Variants in CTSK observed in about 807,000 individuals in gnomAD.
CTSK encodes the protein cathepsin K.
A neutral mutation model predicts 40.5 loss-of-function variants in CTSK; 26 were observed. That is an observed-to-expected ratio of 0.64 (90% CI 0.47 to 0.89). The LOEUF (loss-of-function observed/expected upper bound fraction) is 0.89. Ranked by LOEUF, CTSK falls within the 40% of genes least tolerant of loss-of-function variation. CTSK has a pLI of 0.00. For missense variants in CTSK, 292 were observed against 400.1 expected (o/e 0.73, Z 2.30); for synonymous variants, 132 against 143.2 (o/e 0.92, Z 0.56).
intron 5 of CTSK, among the ~76,000 whole-genome samples, chr1:150,801,263 C>T (rs745863615): frequency 6.6e-5 from 10 of 151,732 alleles, no homozygotes; most frequent in Non-Finnish European, 1.3e-4. Context: ...GGATTACAAG[C>T]GTGCGCAATC....
In CTSK at chr1:150,804,190, C is replaced by G; in HGVS notation, c.449G>C (p.Gly150Ala). The G allele has an allele frequency of 1.2e-6, 2 of 1,614,154 alleles. No individual in the cohort carries two copies. The highest frequency in any genetic ancestry group is 1.7e-6 in the Non-Finnish European group (2 of 1,180,018). Reference protein sequence around the residue: ...WAFSSVGALEGQLKKKTGKLL... With the variant: ...WAFSSVGALEAQLKKKTGKLL... ...TTTGCCAGTTTTCTTCTTGAGTTGGCCCTCCAGGGCACCCACAGAGCTAAA... is the reference window on the plus strand; with the variant it reads ...TTTGCCAGTTTTCTTCTTGAGTTGGGCCTCCAGGGCACCCACAGAGCTAAA... The change falls in exon 5 of 8, where the codon GGC becomes GCC. Residue 150 changes from glycine (G) to alanine (A), a missense_variant. Physicochemically the swap from Gly to Ala is moderately conservative, Grantham distance 60. Transcript: ENST00000271651.
intron 1 of CTSK, among the ~76,000 whole-genome samples, chr1:150,807,076 T>TCACACACACACACACA (rs1176948763): frequency 5.5e-5 from 2 of 36,414 alleles, no homozygotes; most frequent in Non-Finnish European, 1.6e-4. Flanking sequence ...TGTCTCTCTC[T>TCACACACACACACACA]CTCTCACACA....
At chr1:150,800,154 G>A (rs1216083325) in intron 5 of CTSK, among the ~76,000 whole-genome samples, 1 of 114,780 alleles carries the variant, frequency 8.7e-6, no homozygotes, top group African/African-American at 3.3e-5. Flanking sequence ...CCAAGATCGC[G>A]CCATTGCACT....
At chr1:150,798,989 C>T (rs893775408) in intron 7 of CTSK, among the ~76,000 whole-genome samples, 179 bp downstream of exon 7, 1 of 152,166 alleles carries the variant, frequency 6.6e-6, no homozygotes, top group African/African-American at 2.4e-5. Flanking sequence ...AATGGACTAA[C>T]ACACTGGCCA....
At chr1:150,797,559 A>G (rs948414170) in intron 7 of CTSK, among the ~76,000 whole-genome samples, 3 of 152,136 alleles carry the variant, frequency 2.0e-5, no homozygotes, top group Non-Finnish European at 4.4e-5. Context: ...TACTAAGGAA[A>G]TGAGTAGCGA....
chr1:150,806,055 AC>A, intron 3 of CTSK, 39 bp from the exon 4 acceptor site: 1 of 1,614,180 alleles, frequency 6.2e-7, no homozygotes, highest in Middle Eastern at 1.6e-4. Context: ...TCAGCAGGGA[AC>A]TAAAGCAAAT....
At chr1:150,797,082 G>A (rs1309969827) in intron 7 of CTSK, among the ~76,000 whole-genome samples, 184 bp from the exon 8 acceptor site, 4 of 152,198 alleles carry the variant, frequency 2.6e-5, no homozygotes, top group African/African-American at 9.7e-5. Flanking sequence ...AGGAGGGAAA[G>A]ATTCCTTCTG....
chr1:150,801,264 G>A (rs1050896286), intron 5 of CTSK, among the ~76,000 whole-genome samples: 7 of 151,670 alleles, frequency 4.6e-5, no homozygotes, highest in African/African-American at 7.3e-5. Context: ...GATTACAAGC[G>A]TGCGCAATCA....
chr1:150,799,501 G>A (rs1653940923), intron 6 of CTSK, 43 bp downstream of exon 6: 1 of 1,608,632 alleles, frequency 6.2e-7, no homozygotes, highest in African/African-American at 1.3e-5. Context: ...CATCAAGTTT[G>A]TATCATAAAA....
At chr1:150,802,563 G>A (rs778412721) in intron 5 of CTSK, among the ~76,000 whole-genome samples, 3 of 151,934 alleles carry the variant, frequency 2.0e-5, no homozygotes, top group African/African-American at 7.3e-5. Flanking sequence ...AACTATGCAC[G>A]CCATCATACC....
chr1:150,801,752 G>A (rs1047547532), intron 5 of CTSK, among the ~76,000 whole-genome samples: 1 of 151,236 alleles, frequency 6.6e-6, no homozygotes, highest in African/African-American at 2.4e-5. Flanking sequence ...TGTTAGCCAG[G>A]ATGGTCTTGA....
At position 150,806,770 on chromosome 1, in the gene CTSK, C is replaced by T. The variant is rs1055444697; in HGVS notation, c.36G>A (p.Val12=). The T allele has an allele frequency of 6.2e-7, 1 of 1,614,048 alleles. No homozygotes were observed. The highest frequency in any genetic ancestry group is 8.5e-7 in the Non-Finnish European group (1 of 1,180,016). Residue 12 remains valine, a synonymous_variant, in exon 2 of 8, where the codon GTG becomes GTA. Coordinates refer to ENST00000271651, the MANE Select transcript of CTSK (RefSeq NM_000396.4). ...TCTCCTCAGGGTACAGAGCAAAGCTCACCACAGGTAGCAGCAGAACCTTGA... is the reference window on the plus strand; with the variant it reads ...TCTCCTCAGGGTACAGAGCAAAGCTTACCACAGGTAGCAGCAGAACCTTGA... ...WGLKVLLLPV[V]SFALYPEEIL... is the part of the protein sequence containing the mutation.
chr1:150,806,027 G>A lies in CTSK; in HGVS notation c.244-11C>T. 2 of 1,614,148 alleles carry A rather than the reference G, an allele frequency of 1.2e-6. No homozygotes were observed. The highest frequency in any genetic ancestry group is 1.7e-6 in the Non-Finnish European group (2 of 1,180,040). ...CACCTCTTCACTGGTCTAAGACAAAGAAGAAAGAGGCCAGGCATCAGCAGG... is the reference window on the plus strand; with the variant it reads ...CACCTCTTCACTGGTCTAAGACAAAAAAGAAAGAGGCCAGGCATCAGCAGG... On this transcript the variant is annotated splice_polypyrimidine_tract_variant and intron_variant, in intron 3 of 7. Transcript: ENST00000271651.
intron 4 of CTSK, 88 bp downstream of exon 4, chr1:150,805,773 G>A: frequency 7.4e-7 from 1 of 1,358,462 alleles, no homozygotes; most frequent in East Asian, 2.3e-5. Context: ...CTCTTTTCCT[G>A]GTGCCCTTTC....
chr1:150,806,546 C>T (rs1654095578), intron 2 of CTSK, 140 bp downstream of exon 2: 3 of 1,103,508 alleles, frequency 2.7e-6, no homozygotes, highest in Non-Finnish European at 2.8e-6. Context: ...GAATGAAAAC[C>T]GTATGTTAAC....
At chr1:150,806,547 G>GT (rs890045869) in intron 2 of CTSK, 139 bp downstream of exon 2, 6 of 1,109,960 alleles carry the variant, frequency 5.4e-6, no homozygotes, top group African/African-American at 4.6e-5. Context: ...AATGAAAACC[G>GT]TATGTTAACA....
At chr1:150,798,790 T>A (rs374856629) in intron 7 of CTSK, among the ~76,000 whole-genome samples, 74 of 152,272 alleles carry the variant, frequency 4.9e-4, no homozygotes, top group African/African-American at 1.7e-3. Flanking sequence ...AGTCGGCACC[T>A]CCCTCTCTCT....
chr1:150,800,324 C>T (rs1239547804), intron 5 of CTSK: 2 of 157,050 alleles, frequency 1.3e-5, no homozygotes, highest in African/African-American at 4.8e-5. Context: ...TATGTATTAG[C>T]CTCAGGGGGC....
chr1:150,801,634 G>A (rs909018406), intron 5 of CTSK, among the ~76,000 whole-genome samples: 30 of 151,102 alleles, frequency 2.0e-4, no homozygotes, highest in African/African-American at 7.0e-4. Context: ...CACCTCCCGG[G>A]TTCACGCCAT....
Sources: gnomAD v4.1 joint callset for allele counts (sites outside exome capture counted in the v4.1 genomes callset) on GRCh38, gnomAD v4.1.1 for gene constraint, MANE v1.5 for transcripts, NCBI Gene and HGNC (gene_info 2026-07-23, HGNC 2026-07-21) for gene names.